TXNDC16: variants seen among roughly 807,000 people sequenced by gnomAD.
The protein encoded by TXNDC16 is thioredoxin domain-containing protein 16.
Under a neutral mutation model 85.6 loss-of-function variants are expected in TXNDC16, and 74 were observed. The observed-to-expected ratio is 0.86, with a 90% CI of 0.72 to 1.05. The LOEUF is 1.05. Ranked by LOEUF, TXNDC16 falls within the 50% of genes least tolerant of loss-of-function variation. The probability of loss-of-function intolerance (pLI) is 0.00; values close to 1 mark genes in which losing one functional copy is unlikely to be tolerated. For synonymous variants in TXNDC16, 335 were observed against 326.5 expected (o/e 1.03, Z -0.28); for missense variants, 959 against 947.0 (o/e 1.01, Z -0.17).
intron 9 of TXNDC16, among the ~76,000 whole-genome samples, chr14:52,509,987 TA>T (rs35562977): frequency 4.0e-3 from 424 of 106,780 alleles, no homozygotes; most frequent in Middle Eastern, 0.011. Context: ...TCTCAAGAAA[TA>T]AAAAAAAAAA....
intron 9 of TXNDC16, among the ~76,000 whole-genome samples, chr14:52,497,925 C>G (rs2036570627): frequency 6.8e-6 from 1 of 148,016 alleles, no homozygotes; most frequent in African/African-American, 2.5e-5. Context: ...TTCAGCAGCA[C>G]ATTAAAAGGA....
At chr14:52,502,384 C>G (rs567383444) in intron 9 of TXNDC16, among the ~76,000 whole-genome samples, 49 of 152,206 alleles carry the variant, frequency 3.2e-4, no homozygotes, top group African/African-American at 1.1e-3. Flanking sequence ...GCAGGGTCAC[C>G]TGCATGGCAC....
chr14:52,489,997 C>T (rs1034431504), intron 11 of TXNDC16, among the ~76,000 whole-genome samples: 2 of 151,982 alleles, frequency 1.3e-5, no homozygotes, highest in Non-Finnish European at 2.9e-5. Flanking sequence ...CCACCACACC[C>T]AGCCAATTTT....
intron 9 of TXNDC16, among the ~76,000 whole-genome samples, chr14:52,493,360 A>C (rs1255424745): frequency 6.6e-6 from 1 of 152,024 alleles, no homozygotes; most frequent in Non-Finnish European, 1.5e-5. Flanking sequence ...AACATGAAAG[A>C]CAGAGACTAG....
intron 16 of TXNDC16, chr14:52,462,670 A>G: frequency 3.7e-6 from 1 of 273,182 alleles, no homozygotes; most frequent in Non-Finnish European, 7.2e-6. Context: ...AACAGGCAAT[A>G]AAAATACTGA....
At chr14:52,531,436 A>G (rs2037578005) in intron 6 of TXNDC16, among the ~76,000 whole-genome samples, 2 of 152,186 alleles carry the variant, frequency 1.3e-5, no homozygotes, top group Non-Finnish European at 2.9e-5. Context: ...CAGTAGGTCA[A>G]TGGTTAAACT....
chr14:52,447,843 A>C (rs531287905), intron 18 of TXNDC16, among the ~76,000 whole-genome samples: 86 of 152,208 alleles, frequency 5.7e-4, no homozygotes, highest in African/African-American at 2.0e-3. Flanking sequence ...AAGAAACAGA[A>C]ATAATTAAAA....
intron 9 of TXNDC16, among the ~76,000 whole-genome samples, chr14:52,501,136 A>T (rs1236526524): frequency 6.6e-6 from 1 of 152,178 alleles, no homozygotes; most frequent in East Asian, 1.9e-4. Flanking sequence ...AAATTCACTT[A>T]AAAATTCTAT....
At chr14:52,505,653 GAACTA>G (rs1255809107) in intron 9 of TXNDC16, among the ~76,000 whole-genome samples, 5 of 152,144 alleles carry the variant, frequency 3.3e-5, no homozygotes, top group Non-Finnish European at 5.9e-5. Context: ...ACAATTAAAA[GAACTA>G]CAGAAGCAAG....
intron 18 of TXNDC16, among the ~76,000 whole-genome samples, chr14:52,452,146 G>C (rs1395946613): frequency 6.6e-6 from 1 of 152,086 alleles, no homozygotes; most frequent in Admixed American, 6.6e-5. Context: ...TCTCTACGAT[G>C]AAAACTATAA....
intron 20 of TXNDC16, among the ~76,000 whole-genome samples, chr14:52,433,754 A>T (rs2034961666): frequency 6.6e-6 from 1 of 152,264 alleles, no homozygotes; most frequent in African/African-American, 2.4e-5. Context: ...TGATGTTTCA[A>T]ATTGGTGTTG....
At chr14:52,437,956 C>T (rs2035069731) in intron 20 of TXNDC16, among the ~76,000 whole-genome samples, 1 of 152,150 alleles carries the variant, frequency 6.6e-6, no homozygotes, top group South Asian at 2.1e-4. Context: ...GCCTTGTACA[C>T]TTTGTGGGGC....
intron 14 of TXNDC16, among the ~76,000 whole-genome samples, chr14:52,476,948 G>A (rs2140139017): frequency 6.6e-6 from 1 of 152,246 alleles, no homozygotes; most frequent in South Asian, 2.1e-4. Flanking sequence ...ACATATAAAG[G>A]AAAACCTATC....
chr14:52,493,692 T>A (rs1356066888), intron 9 of TXNDC16, among the ~76,000 whole-genome samples: 1 of 152,082 alleles, frequency 6.6e-6, no homozygotes, highest in Non-Finnish European at 1.5e-5. Flanking sequence ...ACATGAGTTG[T>A]CAGATTGAAA....
chr14:52,504,516 A>C (rs1348890500), intron 9 of TXNDC16, among the ~76,000 whole-genome samples: 2 of 152,200 alleles, frequency 1.3e-5, no homozygotes, highest in African/African-American at 4.8e-5. Context: ...AGACAAGCAA[A>C]TGCTGAGAGA....
chr14:52,498,812 G>GA (rs559143463), intron 9 of TXNDC16, among the ~76,000 whole-genome samples: 117 of 151,742 alleles, frequency 7.7e-4, no homozygotes, highest in South Asian at 5.0e-3. Context: ...TGCAGAAATA[G>GA]AAAAAAAATC....
intron 12 of TXNDC16, among the ~76,000 whole-genome samples, chr14:52,486,403 C>T (rs2036272919): frequency 6.6e-6 from 1 of 151,844 alleles, no homozygotes; most frequent in South Asian, 2.1e-4. Context: ...CCCACCTCAG[C>T]CTCCCAAGGA....
At chr14:52,531,319 T>A (rs1365224214) in intron 6 of TXNDC16, among the ~76,000 whole-genome samples, 1 of 152,116 alleles carries the variant, frequency 6.6e-6, no homozygotes, top group Non-Finnish European at 1.5e-5. Flanking sequence ...ACTCCTTTCG[T>A]ATTTACCCAA....
chr14:52,461,543 C>T (rs2035652984), intron 16 of TXNDC16, among the ~76,000 whole-genome samples: 1 of 152,152 alleles, frequency 6.6e-6, no homozygotes, highest in Non-Finnish European at 1.5e-5. Flanking sequence ...TAATGTCTTT[C>T]TCAGTTGTCC....
Sources: gnomAD v4.1 joint callset for allele counts (sites outside exome capture counted in the v4.1 genomes callset) on GRCh38, gnomAD v4.1.1 for gene constraint, MANE v1.5 for transcripts, NCBI Gene and HGNC (gene_info 2026-07-23, HGNC 2026-07-21) for gene names.